The following SCN1A variants were observed in gnomAD, a reference collection of about 807,000 sequenced individuals.
SCN1A encodes the protein sodium voltage-gated channel alpha subunit 1.
Under a neutral mutation model 193.7 loss-of-function variants are expected in SCN1A, and 13 were observed. The observed-to-expected ratio is 0.07, with a 90% CI of 0.04 to 0.11. SCN1A has a LOEUF of 0.11. SCN1A is among the 10% of genes least tolerant of loss of function. The pLI, the probability that SCN1A is intolerant of heterozygous loss-of-function variation, is 1.00. For synonymous variants in SCN1A, 781 were observed against 843.6 expected (o/e 0.93, Z 1.29); for missense variants, 1,432 against 2,451.1 (o/e 0.58, Z 8.78).
rs76301787 is a variant in SCN1A at position 166,057,086 on chromosome 2, T to C, written c.384-586A>G. Among the ~76,000 whole-genome samples, 533 of 152,170 alleles carry C rather than the reference T, an allele frequency of 3.5e-3. 1 individual carries two copies. The highest frequency in any genetic ancestry group is 0.012 in the African/African-American group (500 of 41,566). ...CATTAAAAGTGAATATTCTTGAAGG[T>C]TGACACTTAACATGATGGGAATGTA... On this transcript the variant is annotated intron_variant, in intron 5 of 28. Transcript: ENST00000674923.
intron 2 of SCN1A, among the ~76,000 whole-genome samples, chr2:166,101,124 G>A (rs1208811526): frequency 9.1e-5 from 13 of 142,712 alleles, no homozygotes; most frequent in African/African-American, 3.4e-4. Context: ...GTCCAACAAT[G>A]ATAGACTGGA....
chr2:166,102,716 A>G (rs1201420724), intron 2 of SCN1A, among the ~76,000 whole-genome samples: 1 of 152,148 alleles, frequency 6.6e-6, no homozygotes, highest in Non-Finnish European at 1.5e-5. Flanking sequence ...CCAAAGGACT[A>G]TAAATCATTC....
chr2:166,138,980 T>G (rs1691973738), intron 1 of SCN1A, among the ~76,000 whole-genome samples: 1 of 152,194 alleles, frequency 6.6e-6, no homozygotes, highest in East Asian at 1.9e-4. Flanking sequence ...GCTTAAAGAT[T>G]TGACTGCCCT....
Position 166,015,680 on chromosome 2 carries a change from G to C in SCN1A, c.3477C>G (p.Ile1159Met). ...CGGGCTGTTCTTCTACAGGTGCGCC[G>C]ATGTCCACAGTGCTACCTTCTGATG... ...SSSSEGSTVDIGAPVEEQPVV... is the reference protein window; with the variant it reads ...SSSSEGSTVDMGAPVEEQPVV... Residue 1159 changes from isoleucine to methionine, a missense_variant, in exon 20 of 29, where the codon ATC becomes ATG. Transcript: ENST00000674923. 2 of 1,612,862 alleles carry C rather than the reference G, an allele frequency of 1.2e-6. No homozygotes were observed. Among genetic ancestry groups the C allele is most frequent in the Non-Finnish European group, 1.7e-6 (2 of 1,179,034 alleles).
rs111412654 is a variant in SCN1A, at chr2:166,077,525, C to T, written c.-50+185G>A. ...AAATTAAAACAATAAGATAGCACTA[C>T]ACCCTCATTAGAATGGTCGAAGTCC... is the stretch of plus-strand genomic sequence containing the variant. On this transcript the variant is annotated intron_variant, in intron 3 of 28. Transcript: ENST00000674923. Among the ~76,000 whole-genome samples the T allele has an allele frequency of 6.2e-3, 937 of 151,998 alleles. 9 individuals are homozygous for T. The highest frequency in any genetic ancestry group is 0.021 in the African/African-American group (880 of 41,518).
intron 2 of SCN1A, among the ~76,000 whole-genome samples, chr2:166,078,912 A>AT (rs975991370): frequency 6.6e-6 from 1 of 151,530 alleles, no homozygotes; most frequent in African/African-American, 2.4e-5. Flanking sequence ...CAAATGATAG[A>AT]TTTTCCTTCT....
chr2:166,086,435 C>A (rs1686129016), intron 2 of SCN1A, among the ~76,000 whole-genome samples: 1 of 152,164 alleles, frequency 6.6e-6, no homozygotes, highest in African/African-American at 2.4e-5. Context: ...ATTTTTTCCA[C>A]ATGGATCCCA....
At chr2:166,001,087 C>T (rs187413055) in intron 24 of SCN1A, among the ~76,000 whole-genome samples, 93 of 151,612 alleles carry the variant, frequency 6.1e-4, no homozygotes, top group East Asian at 3.9e-4. Flanking sequence ...AATAAGTGCC[C>T]AAATAAATAT....
chr2:166,081,209 T>G (rs1685486343), intron 2 of SCN1A, among the ~76,000 whole-genome samples: 1 of 151,874 alleles, frequency 6.6e-6, no homozygotes, highest in Admixed American at 6.6e-5. Flanking sequence ...TCCTAACCCA[T>G]GAAGCCTTAC....
At chr2:166,107,006 A>T (rs567961406) in intron 2 of SCN1A, among the ~76,000 whole-genome samples, 1 of 152,254 alleles carries the variant, frequency 6.6e-6, no homozygotes, top group African/African-American at 2.4e-5. Flanking sequence ...ATGTTTTTTT[A>T]AAATCACAGA....
chr2:166,101,219 T>A (rs1574495564), intron 2 of SCN1A, among the ~76,000 whole-genome samples: 1 of 151,680 alleles, frequency 6.6e-6, no homozygotes, highest in Non-Finnish European at 1.5e-5. Flanking sequence ...GGGACATGGA[T>A]GCAATTGGAA....
rs1019960326 is a variant in SCN1A at position 166,049,064 on chromosome 2, T to C, written c.965-115A>G. The C allele has an allele frequency of 4.3e-6, 3 of 695,930 alleles. No homozygotes were observed. In the Admixed American group the frequency reaches 6.3e-5, roughly 15 times the overall value. The allele number at this position is 695,930 out of a possible 1,614,324, so 43.1% of individuals were successfully genotyped here. A position where few individuals can be genotyped will look rare whatever the true frequency, so the allele number is the denominator to read the frequency against. On this transcript the variant is annotated intron_variant, in intron 9 of 28. Transcript: ENST00000674923. ...TTATTGAGTAATTTTAAATATATTA[T>C]TCATTCAAAGGCACAAGTATTTGTC...
chr2:165,999,895 A>G, intron 24 of SCN1A, 119 bp from the exon 25 acceptor site: 2 of 814,330 alleles, frequency 2.5e-6, no homozygotes, highest in Admixed American at 1.8e-5. Context: ...ACATTTCAAA[A>G]CAAATTTTAC....
chr2:166,040,236 C>T (rs956732094), intron 16 of SCN1A, among the ~76,000 whole-genome samples: 4 of 152,100 alleles, frequency 2.6e-5, no homozygotes. Context: ...CTATTTTTAA[C>T]AGTGCTCTTT....
At chr2:166,023,970 T>C (rs1480770775) in intron 19 of SCN1A, among the ~76,000 whole-genome samples, 1 of 151,726 alleles carries the variant, frequency 6.6e-6, no homozygotes, top group Non-Finnish European at 1.5e-5. Context: ...AGAGACAGGG[T>C]TTCACCATGT....
intron 23 of SCN1A, among the ~76,000 whole-genome samples, chr2:166,006,675 A>G (rs573154662): frequency 2.4e-4 from 37 of 151,502 alleles, no homozygotes; most frequent in African/African-American, 8.7e-4. Context: ...ACATTTTGAA[A>G]ATAACCCCAT....
chr2:166,080,708 G>C (rs1685428099), intron 2 of SCN1A, among the ~76,000 whole-genome samples: 1 of 151,676 alleles, frequency 6.6e-6, no homozygotes, highest in Non-Finnish European at 1.5e-5. Context: ...AGAAAATGAA[G>C]TGGAAATTTT....
chr2:166,037,124 G>A (rs10185007), intron 18 of SCN1A, among the ~76,000 whole-genome samples: 112,106 of 151,990 alleles, frequency 0.74, 41,726 homozygotes, highest in East Asian at 0.89. Context: ...AATATTTTAT[G>A]TATTACTATA....
At chr2:166,054,840 A>C in intron 6 of SCN1A, 74 bp from the exon 7 acceptor site, 1 of 1,343,630 alleles carries the variant, frequency 7.4e-7, no homozygotes, top group Non-Finnish European at 1.1e-6. Context: ...TTATCACTCC[A>C]TCAGTGGAAT....
Sources: allele counts gnomAD v4.1 joint callset (sites outside exome capture counted in the v4.1 genomes callset), GRCh38; gene constraint gnomAD v4.1.1; transcripts MANE v1.5; gene names NCBI Gene and HGNC (gene_info 2026-07-23, HGNC 2026-07-21).